CSRNP3: variants seen among roughly 807,000 people sequenced by gnomAD.
The protein encoded by CSRNP3 is cysteine/serine-rich nuclear protein 3.
In CSRNP3, 12 loss-of-function variants were observed where a neutral mutation model predicts 48.0. That is an observed-to-expected ratio of 0.25 (90% CI 0.16 to 0.41). The LOEUF (loss-of-function observed/expected upper bound fraction) is 0.41. CSRNP3 is among the 10% of genes least tolerant of loss of function. CSRNP3 has a pLI of 1.00. For synonymous variants in CSRNP3, 263 were observed against 269.7 expected, an observed-to-expected ratio of 0.98 and a Z score of 0.24; for missense variants, 580 against 724.4, an observed-to-expected ratio of 0.80 and a Z score of 2.29.
At chr2:165,551,408 T>C (rs1685094010) in intron 3 of CSRNP3, among the ~76,000 whole-genome samples, 1 of 152,228 alleles carries the variant, frequency 6.6e-6, no homozygotes, top group African/African-American at 2.4e-5. Flanking sequence ...TAGTGGGAAC[T>C]CCTGCTGCCC....
At chr2:165,495,517 A>G (rs183217993) in intron 2 of CSRNP3, among the ~76,000 whole-genome samples, 1 of 152,176 alleles carries the variant, frequency 6.6e-6, no homozygotes, top group Non-Finnish European at 1.5e-5. Context: ...TTAGTATGAT[A>G]TGTTCTAACT....
At chr2:165,520,411 G>A (rs373187616) in intron 3 of CSRNP3, among the ~76,000 whole-genome samples, 3 of 152,206 alleles carry the variant, frequency 2.0e-5, no homozygotes, top group Non-Finnish European at 2.9e-5. Context: ...TTACTGGCTG[G>A]AGTTGAGAGG....
At chr2:165,643,767 G>A (rs770443867) in intron 4 of CSRNP3, among the ~76,000 whole-genome samples, 1 of 151,986 alleles carries the variant, frequency 6.6e-6, no homozygotes, top group Admixed American at 6.6e-5. Flanking sequence ...CATCAACTAG[G>A]CCTTCTACGT....
intron 5 of CSRNP3, among the ~76,000 whole-genome samples, chr2:165,665,139 C>T (rs1443046020): frequency 6.6e-6 from 1 of 152,126 alleles, no homozygotes; most frequent in Non-Finnish European, 1.5e-5. Flanking sequence ...TTAGGATATC[C>T]TCTCAAGGTA....
intron 2 of CSRNP3, among the ~76,000 whole-genome samples, chr2:165,511,877 G>T (rs1489369261): frequency 6.6e-6 from 1 of 152,152 alleles, no homozygotes; most frequent in Non-Finnish European, 1.5e-5. Flanking sequence ...TTAGCTTCCA[G>T]GGGGCAGGTT....
At chr2:165,501,871 T>C (rs1320930176) in intron 2 of CSRNP3, among the ~76,000 whole-genome samples, 1 of 152,132 alleles carries the variant, frequency 6.6e-6, no homozygotes, top group Non-Finnish European at 1.5e-5. Context: ...GATTCCAATT[T>C]ATGCATACAC....
intron 5 of CSRNP3, among the ~76,000 whole-genome samples, chr2:165,670,062 T>C (rs932548697): frequency 2.0e-5 from 3 of 152,098 alleles, no homozygotes; most frequent in Non-Finnish European, 4.4e-5. Flanking sequence ...AGACAGGGAG[T>C]GATCCCATGC....
intron 4 of CSRNP3, among the ~76,000 whole-genome samples, chr2:165,650,554 A>C (rs1291724375): frequency 1.3e-5 from 2 of 152,184 alleles, no homozygotes; most frequent in African/African-American, 4.8e-5. Context: ...TTCTATACAA[A>C]ATAATTTCTG....
In CSRNP3 at chr2:165,531,715, T is replaced by G. The variant is rs552927088; in HGVS notation, c.-24+13754T>G. Among the ~76,000 whole-genome samples, 1,227 of 151,982 alleles carry G rather than the reference T, an allele frequency of 8.1e-3. 12 individuals are homozygous for G. Among genetic ancestry groups the G allele is most frequent in the African/African-American group, 0.028 (1,172 of 41,472 alleles). ...GCAAGAAATAACTAAGATCAGAGCA[T>G]AACTGAAGGAAATAGAGACACAAAA... On this transcript the variant is annotated intron_variant, in intron 3 of 6. Transcript: ENST00000651982.
chr2:165,480,735 G>A (rs1380199252), intron 1 of CSRNP3, among the ~76,000 whole-genome samples: 6 of 146,284 alleles, frequency 4.1e-5, no homozygotes, highest in Non-Finnish European at 6.0e-5. Context: ...TATAATAAGA[G>A]ATATGCACAA....
chr2:165,587,139 T>A (rs1685646075), intron 3 of CSRNP3, among the ~76,000 whole-genome samples: 1 of 152,236 alleles, frequency 6.6e-6, no homozygotes, highest in Non-Finnish European at 1.5e-5. Context: ...AATGGTCATA[T>A]CTAATGTAAA....
At chr2:165,594,809 A>G (rs1254055823) in intron 3 of CSRNP3, among the ~76,000 whole-genome samples, 3 of 152,184 alleles carry the variant, frequency 2.0e-5, no homozygotes, top group Non-Finnish European at 4.4e-5. Flanking sequence ...AAAATGAACT[A>G]TGTCTCAAAA....
intron 3 of CSRNP3, among the ~76,000 whole-genome samples, chr2:165,569,544 T>C (rs1041514782): frequency 2.0e-5 from 3 of 152,050 alleles, no homozygotes; most frequent in Non-Finnish European, 4.4e-5. Context: ...ATTGTAAGAG[T>C]TGACATAATT....
intron 4 of CSRNP3, among the ~76,000 whole-genome samples, chr2:165,652,301 G>A (rs1043176299): frequency 6.6e-6 from 1 of 151,712 alleles, no homozygotes; most frequent in South Asian, 2.1e-4. Context: ...CATGCGGTCA[G>A]GAGATTGAGA....
At chr2:165,664,806 A>AT (rs142981548) in intron 5 of CSRNP3, among the ~76,000 whole-genome samples, 2 of 151,908 alleles carry the variant, frequency 1.3e-5, no homozygotes, top group Non-Finnish European at 2.9e-5. Flanking sequence ...ACTGTGATCA[A>AT]TTTTTTTTTG....
At chr2:165,677,546 C>G (rs941198214) in intron 6 of CSRNP3, among the ~76,000 whole-genome samples, 1 of 148,658 alleles carries the variant, frequency 6.7e-6, no homozygotes, top group African/African-American at 2.5e-5. Context: ...ATCTGCTGAA[C>G]AGTTGCTTAA....
At chr2:165,539,257 A>G (rs543470358) in intron 3 of CSRNP3, among the ~76,000 whole-genome samples, 8 of 152,092 alleles carry the variant, frequency 5.3e-5, no homozygotes, top group African/African-American at 1.4e-4. Flanking sequence ...TGTAAGTCCA[A>G]TATGCCTCGT....
intron 3 of CSRNP3, among the ~76,000 whole-genome samples, chr2:165,570,611 G>A (rs74324851): frequency 0.021 from 3,082 of 147,436 alleles, 181 homozygotes; most frequent in East Asian, 0.13. Context: ...AAAAAAAAAT[G>A]GCTGCCTTTT....
At chr2:165,499,887 A>G (rs1372689436) in intron 2 of CSRNP3, among the ~76,000 whole-genome samples, 1 of 152,110 alleles carries the variant, frequency 6.6e-6, no homozygotes, top group Non-Finnish European at 1.5e-5. Flanking sequence ...CCTTCATCTC[A>G]CAAATATTAT....
Sources: gnomAD v4.1 joint callset for allele counts (sites outside exome capture counted in the v4.1 genomes callset) on GRCh38, gnomAD v4.1.1 for gene constraint, MANE v1.5 for transcripts, NCBI Gene and HGNC (gene_info 2026-07-23, HGNC 2026-07-21) for gene names.